The following REELD1 variants were observed in gnomAD, a reference collection of about 807,000 sequenced individuals.
REELD1 encodes the protein reelin domain-containing protein 1.
REELD1 carries 12 observed loss-of-function variants against 6.3 expected under a neutral mutation model. The observed-to-expected ratio is 1.89, with a 90% CI of 1.21 to 3.07. The LOEUF is 3.07. Among genes scored for constraint, REELD1 ranks in the 30% most tolerant of loss-of-function variants. The pLI, the probability that REELD1 is intolerant of heterozygous loss-of-function variation, is 0.00. For synonymous variants in REELD1, 57 were observed against 33.6 expected (o/e 1.70, Z -2.42); for missense variants, 163 against 86.8 (o/e 1.88, Z -3.49).
At chr4:146,215,651 A>ATTTTT (rs3029290) in intron 2 of REELD1, among the ~76,000 whole-genome samples, 1,287 of 86,614 alleles carry the variant, frequency 0.015, 57 homozygotes, top group African/African-American at 0.054. Context: ...AGGGGAGGGC[A>ATTTTT]TTTTTTTTTT....
chr4:146,219,248 T>G (rs1457635462), intron 3 of REELD1, among the ~76,000 whole-genome samples: 1 of 152,186 alleles, frequency 6.6e-6, no homozygotes, highest in African/African-American at 2.4e-5. Context: ...ACCTAAATTC[T>G]GAAGGTATCC....
At chr4:146,222,308 AC>A in intron 3 of REELD1, 48 bp from the exon 4 acceptor site, 1 of 398,498 alleles carries the variant, frequency 2.5e-6, no homozygotes, top group Non-Finnish European at 4.4e-6. Flanking sequence ...AAATCACCAC[AC>A]GGAACTAAGT....
At position 146,224,413 on chromosome 4, in the gene REELD1, C is replaced by T. The variant is rs559716923; in HGVS notation, c.432-32C>T. ...GTTATTATTTAAAGGAAACTAAATC[C>T]GTGAACTGCTCTGCTCTTTCTCTTT... On this transcript the variant is annotated intron_variant, in intron 4 of 7. Transcript: ENST00000623665. 6.8e-4 allele frequency: 374 copies of T among 551,938 alleles called. 3 individuals carry two copies. Among genetic ancestry groups the T allele is most frequent in the South Asian group, 5.1e-3 (193 of 37,798 alleles). The allele number at this position is 551,938 out of a possible 1,614,324, so 34.2% of individuals were successfully genotyped here.
Position 146,229,090 on chromosome 4 carries a change from T to G in REELD1, c.972+2T>G. 1 of 702,058 alleles carries G rather than the reference T, an allele frequency of 1.4e-6. No individual in the cohort carries two copies. Among genetic ancestry groups the G allele is most frequent in the East Asian group, 2.7e-5 (1 of 37,254 alleles). 43.5% of individuals were successfully genotyped at this position (702,058 alleles called of 1,614,324 possible). A position where few individuals can be genotyped will look rare whatever the true frequency, so the allele number is the denominator to read the frequency against. ...CTGTCCTCAGATGGGGGTGAACAGG[T>G]AAGAACCTGAACTGTGAAGTGGGCT... On this transcript the variant is annotated splice_donor_variant, in intron 7 of 7. Transcript: ENST00000623665. LOFTEE classifies it high-confidence loss of function.
chr4:146,230,909 A>T lies in REELD1; in HGVS notation c.*396A>T, dbSNP rs1173237086. ...CTCATCTCTTCTAACTCTTTGGGGAAAAAAAGTAATGTTGGGTTGTGTCTC... is the reference window on the plus strand; with the variant it reads ...CTCATCTCTTCTAACTCTTTGGGGATAAAAAGTAATGTTGGGTTGTGTCTC... On this transcript the variant is annotated 3_prime_UTR_variant, in exon 8 of 8. Transcript: ENST00000623665. The T allele has an allele frequency of 6.4e-6, 1 of 155,086 alleles. No homozygotes were observed. The highest frequency in any genetic ancestry group is 1.4e-5 in the Non-Finnish European group (1 of 70,028). 9.6% of individuals were successfully genotyped at this position (155,086 alleles called of 1,614,324 possible). A position where few individuals can be genotyped will look rare whatever the true frequency, so the allele number is the denominator to read the frequency against.
intron 3 of REELD1, 32 bp from the exon 4 acceptor site, chr4:146,222,325 G>A (rs954255248): frequency 2.8e-5 from 11 of 398,412 alleles, no homozygotes; most frequent in African/African-American, 2.1e-4. Context: ...TAAGTCACAC[G>A]TGTTCATGTT....
rs754362144 is a variant in REELD1, at chr4:146,231,168, T to C, written c.*655T>C. 6.6e-5 allele frequency among the ~76,000 whole-genome samples: 10 copies of C among 151,748 alleles called. No individual in the cohort carries two copies. Among genetic ancestry groups the C allele is most frequent in the Non-Finnish European group, 1.3e-4 (9 of 68,036 alleles). ...GATTGAACACATCTTCAGGAAAACATATACATGCAACACAAGGCCGTAAAC... is the reference window on the plus strand; with the variant it reads ...GATTGAACACATCTTCAGGAAAACACATACATGCAACACAAGGCCGTAAAC... On this transcript the variant is annotated 3_prime_UTR_variant, in exon 8 of 8. Coordinates refer to ENST00000623665, the MANE Select transcript of REELD1 (RefSeq NM_001354631.1).
In REELD1 at chr4:146,217,166, T is replaced by C. The variant is rs550090951; in HGVS notation, c.208+6T>C. 2.3e-5 allele frequency: 9 copies of C among 399,302 alleles called. No homozygotes were observed. The highest frequency in any genetic ancestry group is 4.0e-5 in the Non-Finnish European group (9 of 226,502). The allele number at this position is 399,302 out of a possible 1,614,324, so 24.7% of individuals were successfully genotyped here. A position where few individuals can be genotyped will look rare whatever the true frequency, so the allele number is the denominator to read the frequency against. On this transcript the variant is annotated splice_donor_region_variant and intron_variant, in intron 3 of 7. Transcript: ENST00000623665. ...ACCAGGTGACAAGATTCCAGGTATG[T>C]ACCAGAGAGGCTTAGAGAGACTCCG... is the stretch of plus-strand genomic sequence containing the variant.
In REELD1 at chr4:146,230,870, T is replaced by TC. The variant is rs536326241; in HGVS notation, c.*360dup. 2.4e-5 allele frequency: 4 copies of TC among 164,906 alleles called. No individual in the cohort carries two copies. Among genetic ancestry groups the TC allele is most frequent in the Non-Finnish European group, 5.2e-5 (4 of 76,744 alleles). The allele number at this position is 164,906 out of a possible 1,614,324, so 10.2% of individuals were successfully genotyped here. On this transcript the variant is annotated 3_prime_UTR_variant, in exon 8 of 8. Coordinates refer to ENST00000623665, the MANE Select transcript of REELD1 (RefSeq NM_001354631.1). Reference sequence around the variant, plus strand: ...GGAAGCCATAGAAATAAAAATACTGTCCCTCCTTAGTGTCTCATCTCTTCT... The same window carrying TC: ...GGAAGCCATAGAAATAAAAATACTGTCCCCTCCTTAGTGTCTCATCTCTTCT...
intron 5 of REELD1, 54 bp from the exon 6 acceptor site, chr4:146,228,156 G>C (rs747656980): frequency 4.6e-5 from 31 of 667,320 alleles, no homozygotes; most frequent in Admixed American, 1.0e-4. Flanking sequence ...TGTAACAATC[G>C]ATGCGGGGAA....
In REELD1 at chr4:146,214,623, G is replaced by T. The variant is rs1730792733; in HGVS notation, c.-206G>T. 6.6e-6 allele frequency: 1 copy of T among 152,178 alleles called. No homozygotes were observed. Among genetic ancestry groups the T allele is most frequent in the East Asian group, 1.9e-4 (1 of 5,198 alleles). The allele number at this position is 152,178 out of a possible 1,614,324, so 9.4% of individuals were successfully genotyped here. ...ACTGAAAGGAGAAGAAAATACTTAT[G>T]TTTAAGGGATGTGTTTGCAACTCTG... On this transcript the variant is annotated 5_prime_UTR_variant, in exon 1 of 8. The change abolishes an upstream ATG in the 5' untranslated region. Coordinates refer to ENST00000623665, the MANE Select transcript of REELD1 (RefSeq NM_001354631.1).
rs767046729 is a variant in REELD1 at position 146,228,326 on chromosome 4, A to G, written c.712A>G (p.Lys238Glu). ...TGTTCCTGCCAGTATTTGGGTGACAAAGTTTCCTGGGGATGCAGAGACTCT... is the reference window on the plus strand; with the variant it reads ...TGTTCCTGCCAGTATTTGGGTGACAGAGTTTCCTGGGGATGCAGAGACTCT... ...DPVPASIWVT[K>E]FPGDAETLSQ... The change falls in exon 6 of 8, where the codon AAG becomes GAG. Residue 238 changes from lysine to glutamate, a missense_variant. Lys to Glu is a moderately conservative substitution (Grantham distance 56). Coordinates refer to ENST00000623665, the MANE Select transcript of REELD1 (RefSeq NM_001354631.1). 8 of 702,346 alleles carry G rather than the reference A, an allele frequency of 1.1e-5. No homozygotes were observed. Among genetic ancestry groups the G allele is most frequent in the African/African-American group, 5.2e-5 (3 of 57,212 alleles). The allele number at this position is 702,346 out of a possible 1,614,324, so 43.5% of individuals were successfully genotyped here. A position where few individuals can be genotyped will look rare whatever the true frequency, so the allele number is the denominator to read the frequency against.
intron 6 of REELD1, 59 bp from the exon 7 acceptor site, chr4:146,228,966 A>G (rs2110926652): frequency 1.4e-6 from 1 of 701,686 alleles, no homozygotes; most frequent in Admixed American, 2.0e-5. Flanking sequence ...GGTAGGAAAC[A>G]TTGCTTTTTG....
At chr4:146,222,666 C>G (rs1388525941) in intron 4 of REELD1, 87 bp downstream of exon 4, 1 of 397,670 alleles carries the variant, frequency 2.5e-6, no homozygotes, top group Non-Finnish European at 4.4e-6. Context: ...TTCATATTCC[C>G]TTTCCCCCTC....
At position 146,228,222 on chromosome 4, in the gene REELD1, C is replaced by G. The variant is rs1470459494; in HGVS notation, c.608C>G (p.Pro203Arg). 1 of 702,130 alleles carries G rather than the reference C, an allele frequency of 1.4e-6. No homozygotes were observed. The highest frequency in any genetic ancestry group is 2.7e-5 in the East Asian group (1 of 37,280). 43.5% of individuals were successfully genotyped at this position (702,130 alleles called of 1,614,324 possible). A position where few individuals can be genotyped will look rare whatever the true frequency, so the allele number is the denominator to read the frequency against. ...VEGAAPAPRTPITLPQQHTHV... is the reference protein window; with the variant it reads ...VEGAAPAPRTRITLPQQHTHV... ...GACCTCTGCTTAGCTCCCAGGACCC[C>G]CATCACTCTTCCACAGCAGCACACA... Residue 203 changes from proline (P) to arginine (R), a missense_variant, in exon 6 of 8, where the codon CCC (proline) becomes CGC (arginine). Physicochemically the swap from Pro to Arg is moderately radical, Grantham distance 103 (BLOSUM62 -2). Transcript: ENST00000623665.
intron 4 of REELD1, among the ~76,000 whole-genome samples, chr4:146,222,937 G>A (rs554564875): frequency 6.6e-6 from 1 of 152,226 alleles, no homozygotes; most frequent in East Asian, 1.9e-4. Flanking sequence ...ACAGGCAGAT[G>A]GACAAATGGA....
At position 146,224,551 on chromosome 4, in the gene REELD1, A is replaced by G. The variant is rs771298706; in HGVS notation, c.538A>G (p.Arg180Gly). ...CCATTCTGACGACCGCATGGAGCCC[A>G]GATTGCTGATGCCAAACCTTCACCA... ...SAHSDDRMEP[R>G]LLMPNLHQRL... The change falls in exon 5 of 8, where the codon AGA (arginine) becomes GGA (glycine). Residue 180 changes from arginine to glycine, a missense_variant. By Grantham distance (125) the Arg-to-Gly change is moderately radical. Coordinates refer to ENST00000623665, the MANE Select transcript of REELD1 (RefSeq NM_001354631.1). 1.4e-6 allele frequency: 1 copy of G among 702,248 alleles called. No individual in the cohort carries two copies. Among genetic ancestry groups the G allele is most frequent in the South Asian group, 1.5e-5 (1 of 67,560 alleles). 43.5% of individuals were successfully genotyped at this position (702,248 alleles called of 1,614,324 possible). A position where few individuals can be genotyped will look rare whatever the true frequency, so the allele number is the denominator to read the frequency against.
At chr4:146,225,692 C>G (rs1731008862) in intron 5 of REELD1, among the ~76,000 whole-genome samples, 1 of 152,164 alleles carries the variant, frequency 6.6e-6, no homozygotes, top group Non-Finnish European at 1.5e-5. Context: ...ATGTTTTAAT[C>G]CCAAGTATAA....
At chr4:146,229,141 TG>T (rs1731081365) in intron 7 of REELD1, 53 bp downstream of exon 7, 1 of 698,336 alleles carries the variant, frequency 1.4e-6, no homozygotes, top group East Asian at 2.7e-5. Flanking sequence ...GATCCTAGAA[TG>T]GTCAGTTTCA....
Sources: allele counts gnomAD v4.1 joint callset (sites outside exome capture counted in the v4.1 genomes callset), GRCh38; gene constraint gnomAD v4.1.1; transcripts MANE v1.5; gene names NCBI Gene and HGNC (gene_info 2026-07-23, HGNC 2026-07-21).